Variants in HGF observed in about 807,000 individuals in gnomAD.
The protein encoded by HGF is hepatocyte growth factor.
HGF carries 39 observed loss-of-function variants against 111.6 expected under a neutral mutation model. The observed-to-expected ratio is 0.35, with a 90% CI of 0.27 to 0.46. The LOEUF is 0.46. Among genes scored for constraint, HGF ranks in the 20% least tolerant of loss-of-function variants. HGF has a pLI of 1.00. For missense variants in HGF, 735 were observed against 910.5 expected, an observed-to-expected ratio of 0.81 and a Z score of 2.48; for synonymous variants, 285 against 294.8, an observed-to-expected ratio of 0.97 and a Z score of 0.34.
At chr7:81,719,030 C>T (rs577805857) in intron 10 of HGF, among the ~76,000 whole-genome samples, 3 of 152,132 alleles carry the variant, frequency 2.0e-5, no homozygotes, top group Non-Finnish European at 2.9e-5. Context: ...TTACAAGACT[C>T]TCTATATGGT....
chr7:81,742,638 C>T, intron 7 of HGF: 1 of 1,066,594 alleles, frequency 9.4e-7, no homozygotes, highest in Non-Finnish European at 1.2e-6. Flanking sequence ...AAATGTGTGA[C>T]TTAACCATAG....
At chr7:81,769,684 T>A (rs144076868) in intron 1 of HGF, among the ~76,000 whole-genome samples, 200 bp downstream of exon 1, 1 of 152,162 alleles carries the variant, frequency 6.6e-6, no homozygotes, top group African/African-American at 2.4e-5. Flanking sequence ...AAGTTAATTA[T>A]CATTTTAAAT....
chr7:81,754,479 A>G (rs1788664128), intron 4 of HGF, among the ~76,000 whole-genome samples: 1 of 152,052 alleles, frequency 6.6e-6, no homozygotes, highest in Non-Finnish European at 1.5e-5. Flanking sequence ...ACAATTTATT[A>G]GGACAAATAC....
chr7:81,703,379 G>A (rs940348004), intron 17 of HGF, among the ~76,000 whole-genome samples: 1 of 150,752 alleles, frequency 6.6e-6, no homozygotes, highest in South Asian at 2.1e-4. Flanking sequence ...GCTGGTATTA[G>A]TAGTTAATAT....
chr7:81,717,859 A>G (rs1208750603), intron 10 of HGF, among the ~76,000 whole-genome samples: 1 of 152,192 alleles, frequency 6.6e-6, no homozygotes, highest in Non-Finnish European at 1.5e-5. Flanking sequence ...TTAAATAATT[A>G]AAATTCTAAA....
intron 4 of HGF, among the ~76,000 whole-genome samples, chr7:81,752,900 C>G (rs1045270275): frequency 6.6e-6 from 1 of 151,974 alleles, no homozygotes; most frequent in African/African-American, 2.4e-5. Context: ...CATCTTACAC[C>G]TTATATGGTT....
chr7:81,765,126 A>C (rs1303342237), intron 1 of HGF, among the ~76,000 whole-genome samples: 2 of 152,084 alleles, frequency 1.3e-5, no homozygotes, highest in African/African-American at 2.4e-5. Flanking sequence ...GAAAAGCCTA[A>C]AAATCAAAAA....
chr7:81,711,409 A>G, intron 12 of HGF, 72 bp downstream of exon 12: 1 of 779,020 alleles, frequency 1.3e-6, no homozygotes, highest in African/African-American at 1.8e-5. Context: ...ATTTTCTTTG[A>G]AAGAAATAAT....
chr7:81,755,968 C>T (rs1260627210), intron 4 of HGF: 2 of 700,800 alleles, frequency 2.9e-6, no homozygotes, highest in Admixed American at 2.0e-5. Flanking sequence ...GTCAATAACT[C>T]ATCTCTGTTT....
At chr7:81,747,470 C>T in intron 5 of HGF, among the ~76,000 whole-genome samples, 1 of 152,164 alleles carries the variant, frequency 6.6e-6, no homozygotes, top group African/African-American at 2.4e-5. Context: ...AAATCAGAAG[C>T]ATAAGTATAC....
chr7:81,717,172 T>G, intron 11 of HGF, 60 bp downstream of exon 11: 1 of 1,548,120 alleles, frequency 6.5e-7, no homozygotes, highest in South Asian at 1.1e-5. Context: ...TTACAACTTT[T>G]AGATGAAATG....
chr7:81,711,387 C>A (rs1311897593), intron 12 of HGF, 94 bp downstream of exon 12: 19 of 603,752 alleles, frequency 3.1e-5, no homozygotes, highest in Non-Finnish European at 4.5e-5. Flanking sequence ...ATAATGGAAG[C>A]TAATATAGAT....
At chr7:81,724,637 G>T (rs1183566284) in intron 9 of HGF, among the ~76,000 whole-genome samples, 1 of 152,144 alleles carries the variant, frequency 6.6e-6, no homozygotes, top group Non-Finnish European at 1.5e-5. Flanking sequence ...TAAATTGTGT[G>T]TCACCGGGGT....
At chr7:81,734,532 A>C (rs1366270842) in intron 7 of HGF, among the ~76,000 whole-genome samples, 2 of 152,122 alleles carry the variant, frequency 1.3e-5, no homozygotes, top group Non-Finnish European at 2.9e-5. Flanking sequence ...TTAAGATTTG[A>C]ACAGATTTTT....
intron 1 of HGF, among the ~76,000 whole-genome samples, chr7:81,765,819 G>C (rs1389812296): frequency 6.6e-6 from 1 of 152,152 alleles, no homozygotes. Flanking sequence ...ACTGAAAACA[G>C]TTAAAAGCCA....
chr7:81,711,382 G>T, intron 12 of HGF, 99 bp downstream of exon 12: 1 of 564,176 alleles, frequency 1.8e-6, no homozygotes, highest in Non-Finnish European at 3.0e-6. Flanking sequence ...TTTTTATAAT[G>T]GAAGCTAATA....
intron 5 of HGF, 197 bp downstream of exon 5, chr7:81,751,923 T>G: frequency 7.1e-7 from 1 of 1,403,852 alleles, no homozygotes; most frequent in Non-Finnish European, 9.3e-7. Context: ...ACTCGCTCTG[T>G]TATTTTGCAT....
intron 11 of HGF, among the ~76,000 whole-genome samples, chr7:81,716,911 G>T (rs1350782511): frequency 6.6e-6 from 1 of 152,068 alleles, no homozygotes; most frequent in African/African-American, 2.4e-5. Context: ...GGTATTGGGG[G>T]GTGGGGAGAT....
rs1439035049 is a variant in HGF at position 81,701,977 on chromosome 7, A to G, written c.*604T>C. The stretch of plus-strand genomic sequence containing the variant: ...TACTTCTAAAATATTTAGGGGTTAC[A>G]TTAGGTACACCATAATTTAAACTGT... On this transcript the variant is annotated 3_prime_UTR_variant, in exon 18 of 18. Coordinates refer to ENST00000222390, the MANE Select transcript of HGF (RefSeq NM_000601.6). 1 of 171,084 alleles carries G rather than the reference A, an allele frequency of 5.8e-6. No individual in the cohort carries two copies. Among genetic ancestry groups the G allele is most frequent in the African/African-American group, 2.4e-5 (1 of 42,108 alleles). The allele number at this position is 171,084 out of a possible 1,614,324, so 10.6% of individuals were successfully genotyped here.
Sources: gnomAD v4.1 joint callset for allele counts (sites outside exome capture counted in the v4.1 genomes callset) on GRCh38, gnomAD v4.1.1 for gene constraint, MANE v1.5 for transcripts, NCBI Gene and HGNC (gene_info 2026-07-23, HGNC 2026-07-21) for gene names.